LAMB1: variants seen among roughly 807,000 people sequenced by gnomAD.
LAMB1 encodes the protein laminin subunit beta 1.
Under a neutral mutation model 222.3 loss-of-function variants are expected in LAMB1, and 121 were observed. The observed-to-expected ratio is 0.54, with a 90% CI of 0.47 to 0.63. LAMB1 has a LOEUF of 0.63. LAMB1 is among the 30% of genes least tolerant of loss of function. The pLI is 0.00. For synonymous variants in LAMB1, 794 were observed against 807.2 expected, an observed-to-expected ratio of 0.98 and a Z score of 0.28; for missense variants, 2,172 against 2,240.8, an observed-to-expected ratio of 0.97 and a Z score of 0.62.
In LAMB1 at chr7:107,964,007, G is replaced by C. The variant is rs531229395; in HGVS notation, c.1698+545C>G. Among the ~76,000 whole-genome samples the C allele has an allele frequency of 2.9e-3, 445 of 152,350 alleles. 2 individuals carry two copies. Among genetic ancestry groups the C allele is most frequent in the African/African-American group, 0.011 (438 of 41,578 alleles). ...AGCTACTCGGGAAGCTGAAGCAGGAGAATCGCTTCAACCCAGCAGGCGGAG... is the reference window on the plus strand; with the variant it reads ...AGCTACTCGGGAAGCTGAAGCAGGACAATCGCTTCAACCCAGCAGGCGGAG... On this transcript the variant is annotated intron_variant, in intron 14 of 33. Coordinates refer to ENST00000222399, the MANE Select transcript of LAMB1 (RefSeq NM_002291.3).
Position 107,923,997 on chromosome 7 carries a change from A to C in LAMB1, c.5315T>G (p.Leu1772Arg). 6.2e-7 allele frequency: 1 copy of C among 1,606,164 alleles called. No individual in the cohort carries two copies. Among genetic ancestry groups the C allele is most frequent in the Non-Finnish European group, 8.5e-7 (1 of 1,178,164 alleles). The part of the protein sequence containing the change: ...ARLEGEVRSL[L>R]KDISQKVAVY... ...AGCAACTTTCTGGCTTATATCCTTT[A>C]GGAGTGAACGGACTTCTCCTTCCAG... Residue 1772 changes from leucine to arginine, a missense_variant, in exon 34 of 34, where the codon CTA becomes CGA. Physicochemically the swap from Leu to Arg is moderately radical, Grantham distance 102. Transcript: ENST00000222399.
Position 107,962,979 on chromosome 7 carries a change from C to A in LAMB1, c.1783G>T (p.Ala595Ser). The A allele has an allele frequency of 1.2e-6, 2 of 1,614,006 alleles. No homozygotes were observed. Among genetic ancestry groups the A allele is most frequent in the Non-Finnish European group, 1.7e-6 (2 of 1,179,960 alleles). ...GAGFVRVPEG[A>S]YLEFFIDNIP... is the part of the protein sequence containing the mutation. ...TTGTCAATGAAAAACTCCAAATAAG[C>A]CCCTTCAGGCACTCGGACGAAGCCG... The change falls in exon 15 of 34, where the codon GCT becomes TCT. Residue 595 changes from alanine (A) to serine (S), a missense_variant. Ala to Ser is a moderately conservative substitution (Grantham distance 99). Coordinates refer to ENST00000222399, the MANE Select transcript of LAMB1 (RefSeq NM_002291.3).
rs142161953 is a variant in LAMB1, at chr7:107,935,339, TTTTC to T, written c.4188+72_4188+75del. 4,939 of 1,504,802 alleles carry T rather than the reference TTTTC, an allele frequency of 3.3e-3. 197 individuals are homozygous for T. The African/African-American group carries it at 0.064, about 19-fold the overall frequency. 93.2% of individuals were successfully genotyped at this position (1,504,802 alleles called of 1,614,324 possible). Reference sequence around the variant, plus strand: ...GTAATAATGACAAAAGATGGTTTGTTTTTCTTTGTTTTTTTTTTTTTTTTTTTTT... The same window carrying T: ...GTAATAATGACAAAAGATGGTTTGTTTTTGTTTTTTTTTTTTTTTTTTTTT... On this transcript the variant is annotated intron_variant, in intron 27 of 33. Transcript: ENST00000222399.
rs533800210 is a variant in LAMB1 at position 107,952,222 on chromosome 7, C to G, written c.3081G>C (p.Lys1027Asn). 2 of 1,594,724 alleles carry G rather than the reference C, an allele frequency of 1.3e-6. No homozygotes were observed. Among genetic ancestry groups the G allele is most frequent in the South Asian group, 1.1e-5 (1 of 89,812 alleles). ...CGGTGCCCAGGTAATTACAGACACA[C>G]TCTGCAAAAGAACATCACATTTACT... Reference protein sequence around the residue: ...YGDALQQDCRKCVCNYLGTVQ... With the variant: ...YGDALQQDCRNCVCNYLGTVQ... The change falls in exon 23 of 34, where the codon AAG becomes AAC. Residue 1027 changes from lysine to asparagine, a missense_variant and splice_region_variant. By Grantham distance (94) the Lys-to-Asn change is moderately conservative. Coordinates refer to ENST00000222399, the MANE Select transcript of LAMB1 (RefSeq NM_002291.3).
chr7:107,981,162 T>G (rs939818568), intron 7 of LAMB1, among the ~76,000 whole-genome samples: 1 of 151,644 alleles, frequency 6.6e-6, no homozygotes, highest in African/African-American at 2.4e-5. Context: ...AATACAAAAA[T>G]TAGACCGGGC....
At chr7:107,997,408 G>A (rs1239665710) in intron 4 of LAMB1, among the ~76,000 whole-genome samples, 2 of 152,150 alleles carry the variant, frequency 1.3e-5, no homozygotes, top group Non-Finnish European at 2.9e-5. Flanking sequence ...AGGTGAAAGA[G>A]GGAGACTCTG....
At position 107,953,654 on chromosome 7, in the gene LAMB1, T is replaced by C; in HGVS notation, c.2955A>G (p.Thr985=). 1 of 1,614,220 alleles carries C rather than the reference T, an allele frequency of 6.2e-7. No homozygotes were observed. Among genetic ancestry groups the C allele is most frequent in the Non-Finnish European group, 8.5e-7 (1 of 1,180,028 alleles). ...PCQCHNNIDT[T]DPEACDKETG... ...TCTCCTTGTCACAGGCTTCTGGGTC[T>C]GTCGTGTCAATGTTGTTGTGACACT... The change falls in exon 22 of 34, where the codon ACA becomes ACG. Residue 985 remains threonine, a synonymous_variant. Coordinates refer to ENST00000222399, the MANE Select transcript of LAMB1 (RefSeq NM_002291.3).
chr7:107,989,700 C>G (rs946542116), intron 5 of LAMB1, among the ~76,000 whole-genome samples: 1 of 152,172 alleles, frequency 6.6e-6, no homozygotes, highest in African/African-American at 2.4e-5. Context: ...GCAAACTCCC[C>G]GTGAGAGCCT....
At chr7:107,929,719 G>T in intron 29 of LAMB1, 100 bp from the exon 30 acceptor site, 2 of 905,592 alleles carry the variant, frequency 2.2e-6, no homozygotes, top group Non-Finnish European at 3.5e-6. Context: ...GCATGGTGGG[G>T]TTACACACCA....
chr7:107,958,734 T>TCTA (rs1291106494), intron 20 of LAMB1, among the ~76,000 whole-genome samples: 1 of 152,228 alleles, frequency 6.6e-6, no homozygotes, highest in Non-Finnish European at 1.5e-5. Context: ...TTACTCTACA[T>TCTA]CTAGCACATC....
At chr7:107,955,443 TC>T (rs2033353646) in intron 21 of LAMB1, 23 bp downstream of exon 21, 1 of 1,587,230 alleles carries the variant, frequency 6.3e-7, no homozygotes, top group Non-Finnish European at 8.6e-7. Context: ...TCTCTTTGCC[TC>T]CCAAAGTATG....
chr7:107,995,614 C>A (rs1179018647), intron 4 of LAMB1, among the ~76,000 whole-genome samples: 1 of 152,116 alleles, frequency 6.6e-6, no homozygotes, highest in Non-Finnish European at 1.5e-5. Context: ...CAGGGGAAAG[C>A]CTGAACAAAC....
chr7:107,963,825 A>G (rs1227331824), intron 14 of LAMB1, among the ~76,000 whole-genome samples: 4 of 152,222 alleles, frequency 2.6e-5, no homozygotes, highest in Non-Finnish European at 5.9e-5. Flanking sequence ...ATCGCCAGGC[A>G]CAGTGGCTCA....
At chr7:107,958,575 C>T (rs904831271) in intron 20 of LAMB1, among the ~76,000 whole-genome samples, 28 of 152,186 alleles carry the variant, frequency 1.8e-4, no homozygotes, top group African/African-American at 6.5e-4. Flanking sequence ...GAGACTATTA[C>T]GCCCAAAAAG....
intron 26 of LAMB1, 138 bp downstream of exon 26, chr7:107,936,955 T>C: frequency 1.5e-6 from 1 of 668,068 alleles, no homozygotes; most frequent in Non-Finnish European, 2.5e-6. Context: ...TTGATCCTCA[T>C]TTGTGCCAGA....
intron 24 of LAMB1, among the ~76,000 whole-genome samples, chr7:107,944,589 T>C (rs1190632977): frequency 6.6e-6 from 1 of 152,348 alleles, no homozygotes; most frequent in East Asian, 1.9e-4. Context: ...GATTTCAAGC[T>C]GAAGCCCCTG....
intron 23 of LAMB1, 106 bp from the exon 24 acceptor site, chr7:107,951,428 G>T: frequency 1.0e-6 from 1 of 960,082 alleles, no homozygotes; most frequent in Non-Finnish European, 1.6e-6. Context: ...CTGTTTACCT[G>T]AGAAGGTCTC....
At position 107,955,599 on chromosome 7, in the gene LAMB1, T is replaced by C; in HGVS notation, c.2722A>G (p.Ile908Val). 1.2e-6 allele frequency: 2 copies of C among 1,613,782 alleles called. No homozygotes were observed. The highest frequency in any genetic ancestry group is 1.7e-6 in the Non-Finnish European group (2 of 1,179,908). ...CLAGYYGDPIIGSGDHCRPCP... is the reference protein window; with the variant it reads ...CLAGYYGDPIVGSGDHCRPCP... The stretch of plus-strand genomic sequence containing the variant: ...GGGCGGCAGTGATCTCCTGACCCAA[T>C]GATGGGGTCGCCATAGTAACCAGCC... The change falls in exon 21 of 34, where the codon ATT (isoleucine) becomes GTT (valine). Residue 908 changes from isoleucine to valine, a missense_variant. Coordinates refer to ENST00000222399, the MANE Select transcript of LAMB1 (RefSeq NM_002291.3).
chr7:107,993,899 G>A (rs184747898), intron 5 of LAMB1, among the ~76,000 whole-genome samples: 1 of 152,152 alleles, frequency 6.6e-6, no homozygotes, highest in Non-Finnish European at 1.5e-5. Flanking sequence ...AGTGGGCAAG[G>A]GGATAAAGGC....
Sources: allele counts gnomAD v4.1 joint callset (sites outside exome capture counted in the v4.1 genomes callset), GRCh38; gene constraint gnomAD v4.1.1; transcripts MANE v1.5; gene names NCBI Gene and HGNC (gene_info 2026-07-23, HGNC 2026-07-21).